PTPN3: variants seen among roughly 807,000 people sequenced by gnomAD.
PTPN3 encodes protein tyrosine phosphatase non-receptor type 3, also known as tyrosine-protein phosphatase non-receptor type 3.
In PTPN3, 96 loss-of-function variants were observed where a neutral mutation model predicts 132.7. That is an observed-to-expected ratio of 0.72 (90% CI 0.61 to 0.86). The LOEUF (loss-of-function observed/expected upper bound fraction) is 0.86, where lower values mean the gene tolerates loss of function less well. Among genes scored for constraint, PTPN3 ranks in the 40% least tolerant of loss-of-function variants. The pLI is 0.00. For missense variants in PTPN3, 1,125 were observed against 1,159.6 expected (o/e 0.97, Z 0.43); for synonymous variants, 398 against 429.0 (o/e 0.93, Z 0.89).
chr9:109,504,284 C>T, the PTPN3 span, among the ~76,000 whole-genome samples: 5 of 152,136 alleles, frequency 3.3e-5, no homozygotes, highest in Admixed American at 2.0e-4. Context: ...GCACCAGACC[C>T]GTAGGGCCCT....
At chr9:109,426,536 G>A (rs960259480) in intron 12 of PTPN3, among the ~76,000 whole-genome samples, 1 of 152,174 alleles carries the variant, frequency 6.6e-6, no homozygotes, top group African/African-American at 2.4e-5. Context: ...CTCTGGAAAT[G>A]TTTTTCTATT....
chr9:109,468,654 C>T (rs1846223006), intron 1 of PTPN3, among the ~76,000 whole-genome samples: 1 of 152,368 alleles, frequency 6.6e-6, no homozygotes, highest in East Asian at 1.9e-4. Context: ...GCGTGAGCCA[C>T]CGCGCCCGGC....
intron 1 of PTPN3, among the ~76,000 whole-genome samples, chr9:109,468,468 G>A (rs891267990): frequency 2.0e-5 from 3 of 152,098 alleles, no homozygotes; most frequent in East Asian, 1.9e-4. Flanking sequence ...CCGGGTTCAC[G>A]CCATTCTCCT....
chr9:109,515,685 A>G, the PTPN3 span, among the ~76,000 whole-genome samples: 1 of 152,234 alleles, frequency 6.6e-6, no homozygotes, highest in Non-Finnish European at 1.5e-5. Flanking sequence ...GGCTTCACTT[A>G]TGGCAGAAGG....
intron 7 of PTPN3, among the ~76,000 whole-genome samples, chr9:109,444,876 G>A (rs1844742339): frequency 6.6e-6 from 1 of 152,184 alleles, no homozygotes; most frequent in Non-Finnish European, 1.5e-5. Context: ...GTGTATAAGG[G>A]ATGACTGATA....
chr9:109,523,825 G>T, the PTPN3 span, among the ~76,000 whole-genome samples: 1 of 54,808 alleles, frequency 1.8e-5, no homozygotes, highest in Non-Finnish European at 3.6e-5. Flanking sequence ...TCTTCCTGAG[G>T]GTCCCTGAGT....
At chr9:109,470,275 G>C (rs1395767235) in intron 1 of PTPN3, among the ~76,000 whole-genome samples, 1 of 152,166 alleles carries the variant, frequency 6.6e-6, no homozygotes, top group East Asian at 1.9e-4. Context: ...TAGACACACA[G>C]ATGCTGGGTT....
chr9:109,528,713 TA>T, the PTPN3 span, among the ~76,000 whole-genome samples: 1 of 36,152 alleles, frequency 2.8e-5, no homozygotes, highest in Non-Finnish European at 4.7e-5. Flanking sequence ...TATATATATG[TA>T]TATATATATG....
Position 109,375,927 on chromosome 9 carries a change from G to A in PTPN3, c.*3629C>T, listed in dbSNP as rs11537746. ...TCAGACTCCCAAGCATTTGGTCCCC[G>A]GTCTGAGGTCACAGAATCTTTGCCA... is the stretch of plus-strand genomic sequence containing the variant. On this transcript the variant is annotated 3_prime_UTR_variant, in exon 26 of 26. Transcript: ENST00000374541. 1,467 of 152,306 alleles carry A rather than the reference G, an allele frequency of 9.6e-3. 8 individuals are homozygous for A. Among genetic ancestry groups the A allele is most frequent in the Middle Eastern group, 0.017 (5 of 294 alleles). The allele number at this position is 152,306 out of a possible 1,614,324, so 9.4% of individuals were successfully genotyped here.
At chr9:109,408,488 T>C (rs1007231176) in intron 16 of PTPN3, 111 bp from the exon 17 acceptor site, 2 of 723,424 alleles carry the variant, frequency 2.8e-6, no homozygotes, top group African/African-American at 3.6e-5. Context: ...CCAATAAATG[T>C]GAGTCTTTGG....
chr9:109,382,141 T>G (rs1460440153), intron 24 of PTPN3, among the ~76,000 whole-genome samples, 161 bp downstream of exon 24: 1 of 152,222 alleles, frequency 6.6e-6, no homozygotes, highest in Non-Finnish European at 1.5e-5. Context: ...TTCATAAAAT[T>G]CCAAAAAACT....
intron 2 of PTPN3, among the ~76,000 whole-genome samples, chr9:109,460,893 T>C (rs767735872): frequency 3.3e-5 from 5 of 152,234 alleles, no homozygotes; most frequent in Non-Finnish European, 7.3e-5. Flanking sequence ...GCTTAGCCCA[T>C]AGTAAGTGCT....
intron 14 of PTPN3, among the ~76,000 whole-genome samples, chr9:109,419,700 A>G (rs1318360222): frequency 6.6e-6 from 1 of 152,212 alleles, no homozygotes; most frequent in Non-Finnish European, 1.5e-5. Context: ...GGAAGTGAAT[A>G]CAATTGAGCC....
rs577613293 is a variant in PTPN3, at chr9:109,400,154, C to T, written c.1953+4294G>A. ...TGTTGCCCAGGTTGGTCTCAAACTC[C>T]TGGCCTCAAGTGATCCCCCTGTTTT... On this transcript the variant is annotated intron_variant, in intron 19 of 25. Coordinates refer to ENST00000374541, the MANE Select transcript of PTPN3 (RefSeq NM_002829.4). 4.8e-4 allele frequency among the ~76,000 whole-genome samples: 73 copies of T among 152,054 alleles called. No homozygotes were observed. The South Asian group carries it at 0.014, about 29-fold the overall frequency.
At chr9:109,439,903 T>C (rs566513169) in intron 7 of PTPN3, among the ~76,000 whole-genome samples, 1 of 151,040 alleles carries the variant, frequency 6.6e-6, no homozygotes, top group South Asian at 2.1e-4. Context: ...AGCCAGACTC[T>C]GTCTCAAAAA....
intron 5 of PTPN3, chr9:109,450,195 A>ATAATTAACTACCC (rs1845159502): frequency 1.0e-6 from 1 of 985,200 alleles, no homozygotes; most frequent in East Asian, 1.1e-4. Flanking sequence ...CAATGTATTG[A>ATAATTAACTACCC]ACACCTGGCC....
the PTPN3 span, among the ~76,000 whole-genome samples, chr9:109,537,472 A>G: frequency 6.6e-6 from 1 of 152,326 alleles, no homozygotes; most frequent in South Asian, 2.1e-4. Flanking sequence ...GTGAGTGGGC[A>G]GGTCGAGTCT....
At chr9:109,533,817 C>T in the PTPN3 span, 1 of 919,984 alleles carries the variant, frequency 1.1e-6, no homozygotes. Flanking sequence ...TCCCATCCCT[C>T]GTTCTTTCCC....
chr9:109,404,412 A>G, intron 19 of PTPN3, 36 bp downstream of exon 19: 1 of 1,343,386 alleles, frequency 7.4e-7, no homozygotes, highest in Non-Finnish European at 9.8e-7. Context: ...CCAATAGGCG[A>G]CATGGCAGTG....
Sources: gnomAD v4.1 joint callset for allele counts (sites outside exome capture counted in the v4.1 genomes callset) on GRCh38, gnomAD v4.1.1 for gene constraint, MANE v1.5 for transcripts, NCBI Gene and HGNC (gene_info 2026-07-23, HGNC 2026-07-21) for gene names.